Variants in TENM3 observed in about 807,000 individuals in gnomAD.
The protein encoded by TENM3 is teneurin transmembrane protein 3, also known as teneurin-3.
A neutral mutation model predicts 255.1 loss-of-function variants in TENM3; 63 were observed. The ratio of observed to expected loss-of-function variants is 0.25; its 90% CI spans 0.20 to 0.30. TENM3 has a LOEUF of 0.30. Ranked by LOEUF, TENM3 falls within the 10% of genes least tolerant of loss-of-function variation. TENM3 has a pLI of 1.00. For missense variants in TENM3, 2,929 were observed against 3,461.1 expected (o/e 0.85, Z 3.86); for synonymous variants, 1,306 against 1,322.3 (o/e 0.99, Z 0.27).
chr4:181,484,721 T>C, the TENM3 span, among the ~76,000 whole-genome samples: 20 of 152,212 alleles, frequency 1.3e-4, no homozygotes, highest in East Asian at 3.7e-3. Context: ...TATATAAAGA[T>C]CAGAACTAAT....
chr4:182,381,390 C>A (rs552906448), intron 3 of TENM3, among the ~76,000 whole-genome samples: 2 of 151,960 alleles, frequency 1.3e-5, no homozygotes, highest in Non-Finnish European at 2.9e-5. Context: ...GGTTTCGATA[C>A]TGGGATGAAG....
the TENM3 span, among the ~76,000 whole-genome samples, chr4:181,586,100 A>T: frequency 2.6e-5 from 4 of 152,170 alleles, no homozygotes; most frequent in Admixed American, 2.6e-4. Context: ...ACTAGGTGGG[A>T]TGGAGGGAAG....
At chr4:181,499,073 C>T in the TENM3 span, among the ~76,000 whole-genome samples, 1 of 152,172 alleles carries the variant, frequency 6.6e-6, no homozygotes, top group African/African-American at 2.4e-5. Flanking sequence ...GCTATTTCAT[C>T]TTGTTGGATT....
At chr4:181,515,220 A>T in the TENM3 span, among the ~76,000 whole-genome samples, 2 of 152,176 alleles carry the variant, frequency 1.3e-5, no homozygotes, top group African/African-American at 4.8e-5. Context: ...CCCCCGGCTC[A>T]CATTTTTCTA....
the TENM3 span, among the ~76,000 whole-genome samples, chr4:181,990,351 T>G: frequency 1.1e-4 from 17 of 152,146 alleles, no homozygotes; most frequent in South Asian, 2.1e-4. Context: ...GTGCATACGA[T>G]TTGATACATA....
chr4:181,546,389 G>T, the TENM3 span, among the ~76,000 whole-genome samples: 1 of 152,050 alleles, frequency 6.6e-6, no homozygotes, highest in Non-Finnish European at 1.5e-5. Flanking sequence ...TTATTATCAC[G>T]TTGGTTATTT....
chr4:181,465,929 C>G, the TENM3 span, among the ~76,000 whole-genome samples: 1 of 152,062 alleles, frequency 6.6e-6, no homozygotes, highest in Non-Finnish European at 1.5e-5. Flanking sequence ...GGGAAATAAC[C>G]TTTTCCCTTC....
At chr4:182,599,393 G>A (rs1016033662) in intron 3 of TENM3, among the ~76,000 whole-genome samples, 2 of 152,248 alleles carry the variant, frequency 1.3e-5, no homozygotes, top group South Asian at 2.1e-4. Flanking sequence ...ATTTCAAGAA[G>A]ACAGAGTTTC....
chr4:182,185,093 T>G (rs2149758277), intron 1 of TENM3, among the ~76,000 whole-genome samples: 1 of 142,008 alleles, frequency 7.0e-6, no homozygotes, highest in East Asian at 2.0e-4. Flanking sequence ...AAAAAAAAAA[T>G]CTATTTTATT....
the TENM3 span, among the ~76,000 whole-genome samples, chr4:181,644,891 C>A: frequency 6.6e-6 from 1 of 151,928 alleles, no homozygotes; most frequent in Non-Finnish European, 1.5e-5. Context: ...AAAGCTTGAA[C>A]AGCCAAATAA....
the TENM3 span, among the ~76,000 whole-genome samples, chr4:181,883,939 G>A: frequency 0.38 from 57,327 of 151,948 alleles, 11,094 homozygotes; most frequent in Middle Eastern, 0.44. Flanking sequence ...ATGGAAGCGT[G>A]TTCAGTTGCA....
At chr4:182,495,901 TA>T (rs1309450632) in intron 3 of TENM3, among the ~76,000 whole-genome samples, 2 of 152,174 alleles carry the variant, frequency 1.3e-5, no homozygotes, top group Non-Finnish European at 2.9e-5. Flanking sequence ...GTTAGCTGCT[TA>T]AACGTCTAAA....
chr4:181,582,776 A>T, the TENM3 span, among the ~76,000 whole-genome samples: 1 of 152,146 alleles, frequency 6.6e-6, no homozygotes, highest in African/African-American at 2.4e-5. Flanking sequence ...GCCAGGCTGC[A>T]CAAGGACTGC....
intron 1 of TENM3, among the ~76,000 whole-genome samples, chr4:182,323,313 C>T (rs1037013177): frequency 6.6e-6 from 1 of 151,348 alleles, no homozygotes; most frequent in African/African-American, 2.4e-5. Flanking sequence ...CCATTTTAAG[C>T]AGAATGGTAT....
intron 3 of TENM3, among the ~76,000 whole-genome samples, chr4:182,378,364 A>C (rs1028774352): frequency 1.3e-5 from 2 of 152,196 alleles, no homozygotes; most frequent in Non-Finnish European, 2.9e-5. Flanking sequence ...AGTGAACCAC[A>C]AAAATATGTA....
chr4:182,403,863 C>T (rs1254454189), intron 3 of TENM3, among the ~76,000 whole-genome samples: 5 of 152,130 alleles, frequency 3.3e-5, no homozygotes, highest in African/African-American at 1.2e-4. Flanking sequence ...GGACCACAGG[C>T]GTGTGCCACC....
At chr4:181,892,533 G>A in the TENM3 span, among the ~76,000 whole-genome samples, 1 of 152,140 alleles carries the variant, frequency 6.6e-6, no homozygotes, top group East Asian at 1.9e-4. Flanking sequence ...TTAAGGGTCC[G>A]TATGAACTGG....
intron 6 of TENM3, among the ~76,000 whole-genome samples, chr4:182,661,192 A>ATTTTTTTT (rs35208231): frequency 3.4e-5 from 3 of 88,596 alleles, no homozygotes; most frequent in African/African-American, 9.3e-5. Flanking sequence ...TTAAATTTTA[A>ATTTTTTTT]TTTTTTTTTT....
intron 2 of TENM3, among the ~76,000 whole-genome samples, chr4:182,331,268 G>C (rs527877382): frequency 6.6e-6 from 1 of 151,908 alleles, no homozygotes; most frequent in Non-Finnish European, 1.5e-5. Context: ...CATTTTGGCC[G>C]GGTGCGGTGG....
Sources: gnomAD v4.1 joint callset for allele counts (sites outside exome capture counted in the v4.1 genomes callset) on GRCh38, gnomAD v4.1.1 for gene constraint, MANE v1.5 for transcripts, NCBI Gene and HGNC (gene_info 2026-07-23, HGNC 2026-07-21) for gene names.